The following ESYT3 variants were observed in gnomAD, a reference collection of about 807,000 sequenced individuals.
ESYT3 encodes the protein extended synaptotagmin 3, also known as extended synaptotagmin-3.
In ESYT3, 101 loss-of-function variants were observed where a neutral mutation model predicts 111.5. That is an observed-to-expected ratio of 0.91 (90% CI 0.77 to 1.07). The LOEUF (loss-of-function observed/expected upper bound fraction) is 1.07. Among genes scored for constraint, ESYT3 ranks in the 50% least tolerant of loss-of-function variants. The probability of loss-of-function intolerance (pLI) is 0.00; values close to 1 mark genes in which losing one functional copy is unlikely to be tolerated. For synonymous variants in ESYT3, 416 were observed against 446.8 expected (o/e 0.93, Z 0.87); for missense variants, 1,097 against 1,109.4 (o/e 0.99, Z 0.16).
At chr3:138,471,736 C>A (rs1279414652) in intron 17 of ESYT3, among the ~76,000 whole-genome samples, 1 of 152,162 alleles carries the variant, frequency 6.6e-6, no homozygotes, top group Non-Finnish European at 1.5e-5. Context: ...TTTGCTGCAG[C>A]TCAGTACCTC....
intron 7 of ESYT3, among the ~76,000 whole-genome samples, chr3:138,461,213 C>T (rs2032617015): frequency 6.6e-6 from 1 of 152,220 alleles, no homozygotes; most frequent in South Asian, 2.1e-4. Flanking sequence ...CTTTCTTCCT[C>T]ACTGCACCCC....
At chr3:138,455,663 A>G (rs774833906) in intron 3 of ESYT3, among the ~76,000 whole-genome samples, 6 of 152,230 alleles carry the variant, frequency 3.9e-5, no homozygotes, top group Non-Finnish European at 1.5e-5. Context: ...AAAGATGGAA[A>G]TCATAGTTGC....
intron 14 of ESYT3, chr3:138,469,169 C>A (rs188629221): frequency 1.1e-4 from 66 of 594,586 alleles, no homozygotes; most frequent in African/African-American, 1.1e-3. Context: ...TTTTCATAGC[C>A]CCAGGGAACG....
chr3:138,470,837 C>T (rs935495052), intron 16 of ESYT3, 40 bp from the exon 17 acceptor site: 1 of 1,612,848 alleles, frequency 6.2e-7, no homozygotes. Context: ...AGTGGTGGGG[C>T]TTGGTTATCC....
At chr3:138,452,955 C>T (rs2032040187) in intron 2 of ESYT3, among the ~76,000 whole-genome samples, 1 of 152,190 alleles carries the variant, frequency 6.6e-6, no homozygotes, top group South Asian at 2.1e-4. Context: ...CATGGTAGCA[C>T]ACACCAGGGT....
At chr3:138,472,223 A>C in intron 17 of ESYT3, 140 bp from the exon 18 acceptor site, 1 of 1,063,714 alleles carries the variant, frequency 9.4e-7, no homozygotes, top group Non-Finnish European at 1.4e-6. Context: ...TTGGAACACC[A>C]TATGTATTAC....
At chr3:138,467,380 T>C (rs2032981492) in intron 10 of ESYT3, among the ~76,000 whole-genome samples, 181 bp from the exon 11 acceptor site, 1 of 152,082 alleles carries the variant, frequency 6.6e-6, no homozygotes, top group South Asian at 2.1e-4. Context: ...GCAGCCCTGA[T>C]GGTAGTTAGT....
chr3:138,472,577 C>T lies in ESYT3; in HGVS notation c.1955C>T (p.Thr652Ile), dbSNP rs761537900. 1 of 1,614,252 alleles carries T rather than the reference C, an allele frequency of 6.2e-7. No individual in the cohort carries two copies. The highest frequency in any genetic ancestry group is 1.3e-5 in the African/African-American group (1 of 75,072). Residue 652 changes from threonine (T) to isoleucine (I), a missense_variant, in exon 18 of 23, where the codon ACC becomes ATC. Physicochemically the swap from Thr to Ile is moderately conservative, Grantham distance 89 (BLOSUM62 -1). Coordinates refer to ENST00000389567, the MANE Select transcript of ESYT3 (RefSeq NM_031913.5). Reference protein sequence around the residue: ...RSTTTTTSATTVATEPTSQET... With the variant: ...RSTTTTTSATIVATEPTSQET... ...ACCACAACCACCACCAGTGCTACCA[C>T]CGTTGCCACTGAGCCCACATCCCAA...
Position 138,472,635 on chromosome 3 carries a change from T to C in ESYT3, c.2013T>C (p.Ser671=), listed in dbSNP as rs12636116. The C allele has an allele frequency of 3.1e-6, 5 of 1,614,208 alleles. No individual in the cohort carries two copies. The highest frequency in any genetic ancestry group is 2.2e-5 in the South Asian group (2 of 91,086). The stretch of plus-strand genomic sequence containing the variant: ...GCCCAGAGCCTAAAGGCAAGGACAG[T>C]GCCAAAAGGTTCTGTGAGCCCATCG... ...ETGPEPKGKD[S]AKRFCEPIGE... The change falls in exon 18 of 23, where the codon AGT becomes AGC. Residue 671 remains serine (S), a synonymous_variant. Transcript: ENST00000389567.
chr3:138,444,846 G>A (rs1411307369), intron 1 of ESYT3, among the ~76,000 whole-genome samples: 2 of 152,162 alleles, frequency 1.3e-5, no homozygotes, highest in South Asian at 2.1e-4. Context: ...ACACAGCAGT[G>A]TTCTCCTAGG....
chr3:138,451,769 C>T (rs2031944592), intron 1 of ESYT3, among the ~76,000 whole-genome samples: 1 of 152,174 alleles, frequency 6.6e-6, no homozygotes, highest in South Asian at 2.1e-4. Context: ...AGCCTTGGAG[C>T]TGGGCTGCAC....
At position 138,459,179 on chromosome 3, in the gene ESYT3, C is replaced by CA; in HGVS notation, c.582-7dup. On this transcript the variant is annotated splice_region_variant and splice_polypyrimidine_tract_variant and intron_variant, in intron 4 of 22. Transcript: ENST00000389567. ...CTCCCCACCTTCCTTTTCCACCCCC[C>CA]ATTTCAGCTACATCGGGGACTGTGA... The CA allele has an allele frequency of 1.3e-6, 2 of 1,503,618 alleles. No homozygotes were observed. The allele number at this position is 1,503,618 out of a possible 1,614,324, so 93.1% of individuals were successfully genotyped here.
chr3:138,446,089 A>G (rs1277542655), intron 1 of ESYT3, among the ~76,000 whole-genome samples: 1 of 152,234 alleles, frequency 6.6e-6, no homozygotes, highest in Non-Finnish European at 1.5e-5. Flanking sequence ...ATAATGATTT[A>G]TAGAGTGTTG....
chr3:138,475,568 C>CT (rs369662663), intron 20 of ESYT3, among the ~76,000 whole-genome samples: 21 of 152,188 alleles, frequency 1.4e-4, no homozygotes, highest in African/African-American at 5.1e-4. Flanking sequence ...AAGAAAAAAA[C>CT]TGAGAAGGGG....
intron 1 of ESYT3, among the ~76,000 whole-genome samples, chr3:138,445,076 T>A (rs2031440023): frequency 6.6e-6 from 1 of 152,216 alleles, no homozygotes; most frequent in Non-Finnish European, 1.5e-5. Context: ...AAAATCTCTG[T>A]GGGCCCTGAC....
chr3:138,470,003 G>A lies in ESYT3; in HGVS notation c.1504-57G>A, dbSNP rs1028418598. 1.2e-5 allele frequency: 18 copies of A among 1,468,368 alleles called. No homozygotes were observed. In the Admixed American group the frequency reaches 1.6e-4, roughly 13 times the overall value. The allele number at this position is 1,468,368 out of a possible 1,614,324, so 91.0% of individuals were successfully genotyped here. A position where few individuals can be genotyped will look rare whatever the true frequency, so the allele number is the denominator to read the frequency against. On this transcript the variant is annotated intron_variant, in intron 15 of 22. Coordinates refer to ENST00000389567, the MANE Select transcript of ESYT3 (RefSeq NM_031913.5). The stretch of plus-strand genomic sequence containing the variant: ...GGCCAGAGTGATAGCAGAGGGTGCC[G>A]GTATCCAGCTCTGCCCAACCTAACC...
At position 138,434,945 on chromosome 3, in the gene ESYT3, C is replaced by T. The variant is rs2030522100; in HGVS notation, c.147C>T (p.Val49=). 6.4e-7 allele frequency: 1 copy of T among 1,552,992 alleles called. No individual in the cohort carries two copies. Among genetic ancestry groups the T allele is most frequent in the Admixed American group, 2.0e-5 (1 of 51,052 alleles). Residue 49 remains valine, a synonymous_variant, in exon 1 of 23, where the codon GTC becomes GTT. Coordinates refer to ENST00000389567, the MANE Select transcript of ESYT3 (RefSeq NM_031913.5). Reference sequence around the variant, plus strand: ...GCGTGCTGTTCTACCTGGGGCCTGTCTACCTAGCTGGCTACCTGGGGCTCA... The same window carrying T: ...GCGTGCTGTTCTACCTGGGGCCTGTTTACCTAGCTGGCTACCTGGGGCTCA... ...VVRVLFYLGP[V]YLAGYLGLSI...
In ESYT3 at chr3:138,476,544, T is replaced by C. The variant is rs767881944; in HGVS notation, c.2624+52T>C. On this transcript the variant is annotated intron_variant, in intron 22 of 22. Coordinates refer to ENST00000389567, the MANE Select transcript of ESYT3 (RefSeq NM_031913.5). ...TGTTATCCTGCTATTCAAGACAGTTTTCCCTTTTCAGTACTGTTTCAGCTC... is the reference window on the plus strand; with the variant it reads ...TGTTATCCTGCTATTCAAGACAGTTCTCCCTTTTCAGTACTGTTTCAGCTC... The C allele has an allele frequency of 1.1e-5, 17 of 1,580,896 alleles. No homozygotes were observed. In the East Asian group the frequency reaches 3.6e-4, roughly 33 times the overall value.
intron 5 of ESYT3, among the ~76,000 whole-genome samples, chr3:138,459,513 C>A (rs934852275): frequency 1.3e-5 from 2 of 152,138 alleles, no homozygotes; most frequent in Non-Finnish European, 2.9e-5. Flanking sequence ...GGCTGCCTGG[C>A]GAGGAGAGAG....
Sources: allele counts gnomAD v4.1 joint callset (sites outside exome capture counted in the v4.1 genomes callset), GRCh38; gene constraint gnomAD v4.1.1; transcripts MANE v1.5; gene names NCBI Gene and HGNC (gene_info 2026-07-23, HGNC 2026-07-21).